SYN3: variants seen among roughly 807,000 people sequenced by gnomAD.
SYN3 encodes synapsin III.
A neutral mutation model predicts 65.8 loss-of-function variants in SYN3; 35 were observed. That is an observed-to-expected ratio of 0.53 (90% CI 0.41 to 0.70). SYN3 has a LOEUF of 0.70. Ranked by LOEUF, SYN3 falls within the 30% of genes least tolerant of loss-of-function variation. The probability of loss-of-function intolerance (pLI) is 0.00; values close to 1 mark genes in which losing one functional copy is unlikely to be tolerated. For synonymous variants in SYN3, 270 were observed against 292.9 expected, an observed-to-expected ratio of 0.92 and a Z score of 0.80; for missense variants, 680 against 749.0, an observed-to-expected ratio of 0.91 and a Z score of 1.08.
At chr22:32,710,988 T>C (rs1840469111) in intron 6 of SYN3, among the ~76,000 whole-genome samples, 2 of 152,192 alleles carry the variant, frequency 1.3e-5, no homozygotes, top group Non-Finnish European at 2.9e-5. Flanking sequence ...TGCCTAACAG[T>C]GACATGCCGG....
intron 6 of SYN3, among the ~76,000 whole-genome samples, chr22:32,780,934 T>TTCCCTTCCTTCCTTCCTTCCTTCC (rs1477484298): frequency 1.2e-5 from 1 of 82,620 alleles, no homozygotes; most frequent in African/African-American, 5.7e-5. Context: ...CCTTCCTTCC[T>TTCCCTTCCTTCCTTCCTTCCTTCC]TTCCTTCCTT....
In SYN3 at chr22:32,667,042, C is replaced by T. The variant is rs2147042201; in HGVS notation, c.712-70306G>A. ...GGAACACAAGGTCAGGAGATCAAGACCATCCTGGCTAACACAGTGAAACCC... is the reference window on the plus strand; with the variant it reads ...GGAACACAAGGTCAGGAGATCAAGATCATCCTGGCTAACACAGTGAAACCC... On this transcript the variant is annotated intron_variant, in intron 6 of 13. Coordinates refer to ENST00000358763, the MANE Select transcript of SYN3 (RefSeq NM_003490.4). Among the ~76,000 whole-genome samples the T allele has an allele frequency of 2.0e-5, 3 of 152,294 alleles. No homozygotes were observed. In the South Asian group the frequency reaches 6.2e-4, roughly 32 times the overall value.
At chr22:32,910,439 T>A (rs1022613308) in intron 4 of SYN3, among the ~76,000 whole-genome samples, 13 of 151,734 alleles carry the variant, frequency 8.6e-5, no homozygotes, top group African/African-American at 2.9e-4. Flanking sequence ...ATCTGTAGAA[T>A]TCCCCCCTGC....
At chr22:32,675,491 G>T (rs2060427170) in intron 6 of SYN3, among the ~76,000 whole-genome samples, 3 of 152,138 alleles carry the variant, frequency 2.0e-5, no homozygotes, top group Non-Finnish European at 4.4e-5. Flanking sequence ...GACACTGGGA[G>T]AACAGCTGGC....
chr22:32,908,827 C>T (rs757706765), intron 4 of SYN3, among the ~76,000 whole-genome samples: 8 of 152,106 alleles, frequency 5.3e-5, no homozygotes, highest in Non-Finnish European at 1.0e-4. Flanking sequence ...ACCATTGAGA[C>T]ACTCTAACTA....
intron 6 of SYN3, among the ~76,000 whole-genome samples, chr22:32,826,567 CAG>C (rs1399726378): frequency 6.6e-6 from 1 of 152,164 alleles, no homozygotes; most frequent in Admixed American, 6.5e-5. Context: ...CTGCATTGTA[CAG>C]ATGACAGGCA....
chr22:32,780,364 G>C (rs2046010935), intron 6 of SYN3, among the ~76,000 whole-genome samples: 1 of 152,132 alleles, frequency 6.6e-6, no homozygotes, highest in Admixed American at 6.5e-5. Flanking sequence ...ACTGCTGTAG[G>C]AGATGGAGAC....
At chr22:32,578,254 C>T (rs5754156) in intron 7 of SYN3, among the ~76,000 whole-genome samples, 36,277 of 138,188 alleles carry the variant, frequency 0.26, 4,940 homozygotes, top group East Asian at 0.54. Context: ...TCTCTCTCTC[C>T]CTCTCTCTTT....
chr22:32,858,401 G>A (rs928414368), intron 6 of SYN3, among the ~76,000 whole-genome samples: 1 of 152,190 alleles, frequency 6.6e-6, no homozygotes, highest in African/African-American at 2.4e-5. Context: ...GGGGCATGAG[G>A]GCTCTTGAGT....
intron 4 of SYN3, among the ~76,000 whole-genome samples, chr22:32,930,064 G>A (rs2050583929): frequency 6.6e-6 from 1 of 152,174 alleles, no homozygotes; most frequent in Non-Finnish European, 1.5e-5. Flanking sequence ...GAAGCCAAAT[G>A]TCTTTCATGG....
At chr22:33,029,480 A>G (rs748277868) in intron 1 of SYN3, among the ~76,000 whole-genome samples, 4 of 152,018 alleles carry the variant, frequency 2.6e-5, no homozygotes, top group Admixed American at 6.6e-5. Context: ...ACCATGCCCA[A>G]CCCTAAAAAT....
intron 6 of SYN3, among the ~76,000 whole-genome samples, chr22:32,627,119 G>A (rs1257845375): frequency 1.1e-5 from 1 of 93,838 alleles, no homozygotes; most frequent in Admixed American, 1.1e-4. Context: ...CCACCCTCCC[G>A]GGGTCGTTGT....
At chr22:32,994,131 T>C (rs2052807943) in intron 2 of SYN3, among the ~76,000 whole-genome samples, 3 of 152,108 alleles carry the variant, frequency 2.0e-5, no homozygotes, top group South Asian at 4.1e-4. Context: ...GAAAAATTCC[T>C]CAAGTCAAAG....
chr22:32,650,151 C>T (rs768057036), intron 6 of SYN3, among the ~76,000 whole-genome samples: 2 of 151,984 alleles, frequency 1.3e-5, no homozygotes, highest in Admixed American at 6.6e-5. Flanking sequence ...GTTATGACAA[C>T]GGCCAGCATT....
At chr22:32,804,001 T>A (rs2046658908) in intron 6 of SYN3, among the ~76,000 whole-genome samples, 2 of 152,208 alleles carry the variant, frequency 1.3e-5, no homozygotes, top group Admixed American at 1.3e-4. Context: ...TTAGGTTTCC[T>A]GCGGTGGGTC....
intron 6 of SYN3, among the ~76,000 whole-genome samples, chr22:32,632,809 T>C (rs1429405596): frequency 6.6e-6 from 1 of 152,210 alleles, no homozygotes; most frequent in Non-Finnish European, 1.5e-5. Context: ...CACTGTGTTT[T>C]CTTACTGTCA....
chr22:32,986,135 G>C (rs1165814055), intron 2 of SYN3, among the ~76,000 whole-genome samples: 1 of 152,054 alleles, frequency 6.6e-6, no homozygotes, highest in African/African-American at 2.4e-5. Flanking sequence ...AGGACAACAG[G>C]CTTAACAAAT....
intron 3 of SYN3, among the ~76,000 whole-genome samples, chr22:32,942,893 GA>G (rs548187519): frequency 2.6e-4 from 39 of 152,030 alleles, no homozygotes; most frequent in African/African-American, 9.2e-4. Flanking sequence ...GAAGTTTAGA[GA>G]AAAAAAGAGT....
intron 7 of SYN3, among the ~76,000 whole-genome samples, chr22:32,551,134 T>G (rs2058407831): frequency 6.6e-6 from 1 of 152,068 alleles, no homozygotes; most frequent in African/African-American, 2.4e-5. Flanking sequence ...GAAATAGAAT[T>G]AGGACATCAT....
Sources: allele counts gnomAD v4.1 joint callset (sites outside exome capture counted in the v4.1 genomes callset), GRCh38; gene constraint gnomAD v4.1.1; transcripts MANE v1.5; gene names NCBI Gene and HGNC (gene_info 2026-07-23, HGNC 2026-07-21).